Variants in DNAJC13 observed in about 807,000 individuals in gnomAD.
DNAJC13 encodes the protein dnaJ homolog subfamily C member 13.
A neutral mutation model predicts 290.5 loss-of-function variants in DNAJC13; 75 were observed. The ratio of observed to expected loss-of-function variants is 0.26; its 90% CI spans 0.21 to 0.31. The LOEUF is 0.31. Among genes scored for constraint, DNAJC13 ranks in the 10% least tolerant of loss-of-function variants. DNAJC13 has a pLI of 1.00. For missense variants in DNAJC13, 2,260 were observed against 2,674.5 expected (o/e 0.85, Z 3.42); for synonymous variants, 862 against 892.0 (o/e 0.97, Z 0.60).
At chr3:132,490,442 C>A (rs1480188888) in intron 31 of DNAJC13, among the ~76,000 whole-genome samples, 1 of 152,138 alleles carries the variant, frequency 6.6e-6, no homozygotes, top group Non-Finnish European at 1.5e-5. Flanking sequence ...CCATCTAAAT[C>A]CTAGCTACAT....
intron 16 of DNAJC13, among the ~76,000 whole-genome samples, chr3:132,463,461 G>T (rs894638511): frequency 2.6e-5 from 4 of 152,104 alleles, no homozygotes; most frequent in African/African-American, 9.7e-5. Flanking sequence ...GTTTAGCAAA[G>T]CATAGTTTAT....
At position 132,479,260 on chromosome 3, in the gene DNAJC13, C is replaced by T. The variant is rs1435282575; in HGVS notation, c.2743C>T (p.Leu915Phe). The T allele has an allele frequency of 6.2e-7, 1 of 1,608,496 alleles. No homozygotes were observed. Among genetic ancestry groups the T allele is most frequent in the East Asian group, 2.2e-5 (1 of 44,672 alleles). ...TAAACTTGAACGAGATAGGTTGATT[C>T]TCTTCCTTAACAAGTTGATCCTTAA... is the stretch of plus-strand genomic sequence containing the variant. ...TDKLERDRLI[L>F]FLNKLILNKK... The change falls in exon 25 of 56, where the codon CTC becomes TTC. Residue 915 changes from leucine to phenylalanine, a missense_variant. Coordinates refer to ENST00000260818, the MANE Select transcript of DNAJC13 (RefSeq NM_015268.4).
chr3:132,488,312 T>C lies in DNAJC13; in HGVS notation c.3282T>C (p.Phe1094=), dbSNP rs959302987. 15 of 1,609,380 alleles carry C rather than the reference T, an allele frequency of 9.3e-6. No homozygotes were observed. The highest frequency in any genetic ancestry group is 1.2e-5 in the Non-Finnish European group (14 of 1,178,146). The part of the protein sequence containing the change: ...LPHIIQLLLT[F]DPILVEKVAI... ...TTTTTTTTCAGCTACTGCTGACCTT[T>C]GACCCTATCCTTGTTGAGAAGGTTG... The change falls in exon 30 of 56, where the codon TTT becomes TTC. Residue 1094 remains phenylalanine (F), a synonymous_variant. Transcript: ENST00000260818.
intron 37 of DNAJC13, 86 bp downstream of exon 37, chr3:132,499,396 T>G: frequency 8.8e-7 from 1 of 1,138,430 alleles, no homozygotes; most frequent in Non-Finnish European, 1.2e-6. Flanking sequence ...CAAGTACAAA[T>G]GCAGATTCTT....
chr3:132,423,278 C>T (rs1479582669), intron 1 of DNAJC13, among the ~76,000 whole-genome samples: 1 of 152,014 alleles, frequency 6.6e-6, no homozygotes, highest in Non-Finnish European at 1.5e-5. Context: ...GACCCTGTCT[C>T]TTAAAAAAAA....
rs1352010584 is a variant in DNAJC13 at position 132,538,305 on chromosome 3, C to A, written c.*23C>A. The A allele has an allele frequency of 2.5e-6, 4 of 1,592,460 alleles. No individual in the cohort carries two copies. The Admixed American group carries it at 6.7e-5, about 27-fold the overall frequency. ...TGAAATATTCACGAGAGACAATAAA[C>A]GCTGAAAGGCCAGTGCCAAGTCCAC... On this transcript the variant is annotated 3_prime_UTR_variant, in exon 56 of 56. Coordinates refer to ENST00000260818, the MANE Select transcript of DNAJC13 (RefSeq NM_015268.4).
chr3:132,493,937 A>T (rs1935146684), intron 33 of DNAJC13, among the ~76,000 whole-genome samples: 1 of 152,182 alleles, frequency 6.6e-6, no homozygotes, highest in African/African-American at 2.4e-5. Context: ...TTTTAAATAG[A>T]GGAATATTGC....
Position 132,461,140 on chromosome 3 carries a change from C to T in DNAJC13, c.1648C>T (p.Gln550Ter). ...TCCATATAGTGAGACAACTGAAGGG[C>T]AGCAGTTTGATATGCTCTTGGAGAT... ...CAPYSETTEG[Q>*]QFDMLLEMVA... is the part of the protein sequence containing the mutation. The change falls in exon 15 of 56, where the codon CAG becomes TAG. Residue 550 changes from glutamine to a stop codon, truncating the protein, a stop_gained. Coordinates refer to ENST00000260818, the MANE Select transcript of DNAJC13 (RefSeq NM_015268.4). LOFTEE classifies it high-confidence loss of function. 6.2e-7 allele frequency: 1 copy of T among 1,614,066 alleles called. No homozygotes were observed. Among genetic ancestry groups the T allele is most frequent in the Non-Finnish European group, 8.5e-7 (1 of 1,179,972 alleles).
intron 30 of DNAJC13, 45 bp downstream of exon 30, chr3:132,488,497 T>G (rs1934958872): frequency 6.6e-7 from 1 of 1,510,252 alleles, no homozygotes; most frequent in East Asian, 2.3e-5. Flanking sequence ...TATTTGAATT[T>G]TATATGGACT....
chr3:132,502,529 A>G, intron 40 of DNAJC13, 61 bp downstream of exon 40: 1 of 1,390,466 alleles, frequency 7.2e-7, no homozygotes, highest in South Asian at 1.7e-5. Flanking sequence ...GTGTTAAACT[A>G]ATCCAAACCA....
At chr3:132,464,385 T>G (rs1933907527) in intron 17 of DNAJC13, among the ~76,000 whole-genome samples, 1 of 152,174 alleles carries the variant, frequency 6.6e-6, no homozygotes, top group Non-Finnish European at 1.5e-5. Flanking sequence ...TTTTTAACCC[T>G]CTTTGTGGTT....
intron 39 of DNAJC13, among the ~76,000 whole-genome samples, chr3:132,501,615 C>T (rs532786049): frequency 6.6e-6 from 1 of 151,214 alleles, no homozygotes. Context: ...AACCTGAAAA[C>T]TAGAGAGTTC....
chr3:132,455,438 TA>T (rs773599810), intron 9 of DNAJC13, among the ~76,000 whole-genome samples: 1 of 152,224 alleles, frequency 6.6e-6, no homozygotes, highest in Non-Finnish European at 1.5e-5. Context: ...GATAATTTCT[TA>T]AAAGATTAAA....
At chr3:132,449,190 C>T (rs559524424) in intron 5 of DNAJC13, among the ~76,000 whole-genome samples, 7 of 152,148 alleles carry the variant, frequency 4.6e-5, no homozygotes, top group Non-Finnish European at 1.0e-4. Flanking sequence ...CTAAACGGCA[C>T]TCTTCTTGCC....
intron 13 of DNAJC13, among the ~76,000 whole-genome samples, chr3:132,458,521 AG>A (rs1387931392): frequency 2.6e-5 from 4 of 152,158 alleles, no homozygotes; most frequent in African/African-American, 4.8e-5. Context: ...CAAAGTTCTT[AG>A]GAGCTCTGTG....
chr3:132,427,424 A>G (rs115083706), intron 1 of DNAJC13, among the ~76,000 whole-genome samples: 1,787 of 152,268 alleles, frequency 0.012, 30 homozygotes, highest in African/African-American at 0.041. Flanking sequence ...GGCGTGAGCC[A>G]TCGCACCCGG....
At chr3:132,472,574 G>A (rs904521076) in intron 20 of DNAJC13, 2 of 985,214 alleles carry the variant, frequency 2.0e-6, no homozygotes, top group African/African-American at 3.5e-5. Context: ...ACAATATGGT[G>A]AGTGTAAGTT....
Position 132,485,015 on chromosome 3 carries a change from T to C in DNAJC13, c.3267+343T>C, listed in dbSNP as rs529042914. Among the ~76,000 whole-genome samples the C allele has an allele frequency of 2.6e-5, 4 of 152,260 alleles. No individual in the cohort carries two copies. The East Asian group carries it at 7.7e-4, about 29-fold the overall frequency. Reference sequence around the variant, plus strand: ...GGGAGGATTGTTTGATCCCAGGAGTTTGAGGCTGCAGTGAGCTGTGATCAT... The same window carrying C: ...GGGAGGATTGTTTGATCCCAGGAGTCTGAGGCTGCAGTGAGCTGTGATCAT... On this transcript the variant is annotated intron_variant, in intron 29 of 55. Transcript: ENST00000260818.
intron 15 of DNAJC13, among the ~76,000 whole-genome samples, chr3:132,461,458 T>C (rs1435146457): frequency 6.6e-6 from 1 of 152,200 alleles, no homozygotes; most frequent in Non-Finnish European, 1.5e-5. Context: ...TGTGTTGGGC[T>C]ACACTCAAAG....
Sources: gnomAD v4.1 joint callset for allele counts (sites outside exome capture counted in the v4.1 genomes callset) on GRCh38, gnomAD v4.1.1 for gene constraint, MANE v1.5 for transcripts, NCBI Gene and HGNC (gene_info 2026-07-23, HGNC 2026-07-21) for gene names.